The following IGFN1 variants were observed in gnomAD, a reference collection of about 807,000 sequenced individuals.
IGFN1 encodes immunoglobulin like and fibronectin type III domain containing 1.
Under a neutral mutation model 289.5 loss-of-function variants are expected in IGFN1, and 253 were observed. The ratio of observed to expected loss-of-function variants is 0.87; its 90% CI spans 0.79 to 0.97. The LOEUF (loss-of-function observed/expected upper bound fraction) is 0.97. Among genes scored for constraint, IGFN1 ranks in the 50% least tolerant of loss-of-function variants. IGFN1 has a pLI of 0.00. For missense variants in IGFN1, 4,470 were observed against 4,686.1 expected (o/e 0.95, Z 1.35); for synonymous variants, 1,706 against 1,788.5 (o/e 0.95, Z 1.16).
chr1:201,223,816 C>A (rs1433926550), intron 20 of IGFN1, among the ~76,000 whole-genome samples: 2 of 152,000 alleles, frequency 1.3e-5, no homozygotes, highest in African/African-American at 2.4e-5. Flanking sequence ...ATGACAGCAC[C>A]CAATATGTTT....
chr1:201,227,136 A>G lies in IGFN1; in HGVS notation c.11041A>G (p.Ser3681Gly), dbSNP rs1011427864. 3.7e-6 allele frequency: 6 copies of G among 1,613,314 alleles called. No homozygotes were observed. The highest frequency in any genetic ancestry group is 3.3e-4 in the Middle Eastern group (2 of 6,060). ...LTIPSVSPKD[S>G]GEYKAVAENT... is the part of the protein sequence containing the mutation. ...CATCCCCAGCGTATCCCCGAAGGAC[A>G]GCGGGGAGTACAAGGCTGTGGCTGA... Residue 3681 changes from serine to glycine, a missense_variant, in exon 23 of 24, where the codon AGC (serine) becomes GGC (glycine). This residue lies in a region of IGFN1 where 2,218 missense variants were observed against 2,114.1 expected (regional missense o/e 1.05). Transcript: ENST00000335211.
At chr1:201,227,315 C>A in intron 23 of IGFN1, 107 bp downstream of exon 23, 1 of 788,586 alleles carries the variant, frequency 1.3e-6, no homozygotes. Flanking sequence ...AGCCGGGAGT[C>A]AGGAGACCAG....
rs1213305364 is a variant in IGFN1, at chr1:201,216,690, G to C, written c.9532G>C (p.Ala3178Pro). The change falls in exon 16 of 24, where the codon GCT becomes CCT. Residue 3178 changes from alanine (A) to proline (P), a missense_variant. Coordinates refer to ENST00000335211, the MANE Select transcript of IGFN1 (RefSeq NM_001164586.2). ...CAGGAAGTATACCTTCCGAGTGCGGGCTGTGACCTCAGAGGGGGCTGGCGA... is the reference window on the plus strand; with the variant it reads ...CAGGAAGTATACCTTCCGAGTGCGGCCTGTGACCTCAGAGGGGGCTGGCGA... ...PGRKYTFRVRAVTSEGAGEAL... is the reference protein window; with the variant it reads ...PGRKYTFRVRPVTSEGAGEAL... 1.2e-6 allele frequency: 2 copies of C among 1,613,956 alleles called. No homozygotes were observed. Among genetic ancestry groups the C allele is most frequent in the Admixed American group, 1.7e-5 (1 of 60,014 alleles).
intron 19 of IGFN1, 95 bp downstream of exon 19, chr1:201,221,841 C>A: frequency 9.3e-7 from 1 of 1,072,386 alleles, no homozygotes; most frequent in Non-Finnish European, 1.3e-6. Flanking sequence ...AAGCCAGGAT[C>A]CCCACCCTCA....
Position 201,215,136 on chromosome 1 carries a change from G to C in IGFN1, c.8977G>C (p.Ala2993Pro), listed in dbSNP as rs769566053. The C allele has an allele frequency of 6.8e-6, 11 of 1,613,498 alleles. No individual in the cohort carries two copies. The highest frequency in any genetic ancestry group is 9.3e-6 in the Non-Finnish European group (11 of 1,179,966). ...TFVAGDQQSE[A>P]TLTVQDSPTI... ...TGTAGCTGGTGACCAGCAGAGCGAG[G>C]CCACCCTGACCGTCCAGGGTAAGGC... is the stretch of plus-strand genomic sequence containing the variant. The change falls in exon 14 of 24, where the codon GCC becomes CCC. Residue 2993 changes from alanine (A) to proline (P), a missense_variant. Physicochemically the swap from Ala to Pro is conservative, Grantham distance 27. Coordinates refer to ENST00000335211, the MANE Select transcript of IGFN1 (RefSeq NM_001164586.2).
At chr1:201,221,891 T>TC in intron 19 of IGFN1, 145 bp downstream of exon 19, 2 of 647,254 alleles carry the variant, frequency 3.1e-6, no homozygotes, top group Non-Finnish European at 5.3e-6. Flanking sequence ...TACTAGGTGC[T>TC]AGGTACTGGG....
chr1:201,209,069 CA>C lies in IGFN1; in HGVS notation c.4177del (p.Arg1393GlyfsTer4). ...TTCCTGAGGGAATGGGTGCAGGTTACAGGGCTGGTTTAAGGGGTCCTGGGGA... is the reference window on the plus strand; with the variant it reads ...TTCCTGAGGGAATGGGTGCAGGTTACGGGCTGGTTTAAGGGGTCCTGGGGA... The part of the protein sequence containing the change: ...GVPEGMGAGY[R>X]AGLRGPGEMG... On this transcript the variant is annotated frameshift_variant, in exon 12 of 24. Transcript: ENST00000335211. LOFTEE classifies it high-confidence loss of function. The C allele has an allele frequency of 6.5e-7, 1 of 1,535,408 alleles. No individual in the cohort carries two copies. The highest frequency in any genetic ancestry group is 1.4e-5 in the African/African-American group (1 of 72,538).
chr1:201,193,301 G>A lies in IGFN1; in HGVS notation c.7+1G>A. ...CAAAGAGGAGGCAGAACTATGGCAG[G>A]TAAGAGAAGAACTAATCTCCCCTCC... On this transcript the variant is annotated splice_donor_variant, in intron 2 of 23. Transcript: ENST00000335211. LOFTEE classifies it high-confidence loss of function. 6.5e-7 allele frequency: 1 copy of A among 1,541,644 alleles called. No individual in the cohort carries two copies. Among genetic ancestry groups the A allele is most frequent in the Non-Finnish European group, 8.8e-7 (1 of 1,137,618 alleles).
At chr1:201,191,959 C>T (rs1163764625) in intron 1 of IGFN1, among the ~76,000 whole-genome samples, 1 of 143,354 alleles carries the variant, frequency 7.0e-6, no homozygotes, top group African/African-American at 2.5e-5. Context: ...AGTGCACTTG[C>T]ATCTACCAGG....
rs752551820 is a variant in IGFN1, at chr1:201,205,274, G to A, written c.1109G>A (p.Arg370Lys). The A allele has an allele frequency of 6.4e-6, 10 of 1,550,772 alleles. No individual in the cohort carries two copies. Among genetic ancestry groups the A allele is most frequent in the Non-Finnish European group, 8.7e-6 (10 of 1,146,934 alleles). Residue 370 changes from arginine (R) to lysine (K), a missense_variant, in exon 11 of 24, where the codon AGG becomes AAG. Physicochemically the swap from Arg to Lys is conservative, Grantham distance 26 (BLOSUM62 2). This residue lies in a region of IGFN1 where 2,011 missense variants were observed against 1,953.4 expected (regional missense o/e 1.03). Coordinates refer to ENST00000335211, the MANE Select transcript of IGFN1 (RefSeq NM_001164586.2). Reference sequence around the variant, plus strand: ...GGGCTGACCCACCGGCTGGTGGTGAGGGGGGCACGTTTCTCAGACATGGGC... The same window carrying A: ...GGGCTGACCCACCGGCTGGTGGTGAAGGGGGCACGTTTCTCAGACATGGGC... ...PDGLTHRLVV[R>K]GARFSDMGPY...
At position 201,216,580 on chromosome 1, in the gene IGFN1, G is replaced by A. The variant is rs776266708; in HGVS notation, c.9422G>A (p.Arg3141Gln). ...RTVECYVVERRQAGRSTWLKV... is the reference protein window; with the variant it reads ...RTVECYVVERQQAGRSTWLKV... Reference sequence around the variant, plus strand: ...GTAGAGTGCTACGTGGTGGAGAGACGGCAGGCTGGCAGGAGCACTTGGCTG... The same window carrying A: ...GTAGAGTGCTACGTGGTGGAGAGACAGCAGGCTGGCAGGAGCACTTGGCTG... Residue 3141 changes from arginine (R) to glutamine (Q), a missense_variant, in exon 16 of 24, where the codon CGG becomes CAG. Coordinates refer to ENST00000335211, the MANE Select transcript of IGFN1 (RefSeq NM_001164586.2). 53 of 1,613,390 alleles carry A rather than the reference G, an allele frequency of 3.3e-5. No homozygotes were observed. Among genetic ancestry groups the A allele is most frequent in the South Asian group, 9.9e-5 (9 of 91,062 alleles).
At position 201,216,596 on chromosome 1, in the gene IGFN1, C is replaced by T; in HGVS notation, c.9438C>T (p.Ser3146=). 6.2e-7 allele frequency: 1 copy of T among 1,613,812 alleles called. No individual in the cohort carries two copies. Among genetic ancestry groups the T allele is most frequent in the South Asian group, 1.1e-5 (1 of 91,068 alleles). ...TGGAGAGACGGCAGGCTGGCAGGAG[C>T]ACTTGGCTGAAGGTGGGCGAGGCCC... ...YVVERRQAGR[S]TWLKVGEAPA... is the part of the protein sequence containing the mutation. The change falls in exon 16 of 24, where the codon AGC becomes AGT. Residue 3146 remains serine (S), a synonymous_variant. Transcript: ENST00000335211.
At chr1:201,228,245 G>C in intron 23 of IGFN1, 141 bp from the exon 24 acceptor site, 1 of 850,762 alleles carries the variant, frequency 1.2e-6, no homozygotes, top group Non-Finnish European at 2.0e-6. Context: ...GAGAGCACGT[G>C]GTGGCTCCAG....
rs1667526501 is a variant in IGFN1, at chr1:201,208,181, A to G, written c.3288A>G (p.Val1096=). ...AGRGGLKAPG[V]VETVGMGCVE... is the part of the protein sequence containing the mutation. ...GAGGTGGTCTCAAGGCCCCTGGAGT[A>G]GTGGAGACTGTTGGGATGGGATGTG... is the stretch of plus-strand genomic sequence containing the variant. The change falls in exon 12 of 24, where the codon GTA becomes GTG. Residue 1096 remains valine (V), a synonymous_variant. Transcript: ENST00000335211. 6.5e-7 allele frequency: 1 copy of G among 1,536,926 alleles called. No individual in the cohort carries two copies. The highest frequency in any genetic ancestry group is 1.4e-5 in the African/African-American group (1 of 73,090).
At chr1:201,199,404 T>C (rs1185029443) in intron 6 of IGFN1, 26 bp downstream of exon 6, 4 of 1,550,018 alleles carry the variant, frequency 2.6e-6, no homozygotes, top group East Asian at 2.4e-5. Flanking sequence ...AGAAACCTCC[T>C]TGGGGGCCTG....
chr1:201,204,007 C>G (rs1263325815), intron 10 of IGFN1, 101 bp downstream of exon 10: 1 of 1,099,746 alleles, frequency 9.1e-7, no homozygotes, highest in Non-Finnish European at 1.3e-6. Context: ...GTGATGTGGC[C>G]CCAGCTGCAA....
Position 201,212,993 on chromosome 1 carries a change from A to G in IGFN1, c.8100A>G (p.Gly2700=), listed in dbSNP as rs1219697514. ...WSLDSKGSSP[G]RGSSVDAEDS... ...TGGATAGCAAAGGTTCAAGTCCTGG[A>G]AGGGGCAGTTCTGTTGATGCAGAGG... The change falls in exon 12 of 24, where the codon GGA becomes GGG. Residue 2700 remains glycine (G), a synonymous_variant. Coordinates refer to ENST00000335211, the MANE Select transcript of IGFN1 (RefSeq NM_001164586.2). The G allele has an allele frequency of 2.6e-6, 4 of 1,551,428 alleles. No individual in the cohort carries two copies. Among genetic ancestry groups the G allele is most frequent in the Admixed American group, 2.0e-5 (1 of 50,978 alleles).
At chr1:201,214,877 C>A in intron 13 of IGFN1, 136 bp from the exon 14 acceptor site, 1 of 812,356 alleles carries the variant, frequency 1.2e-6, no homozygotes, top group Non-Finnish European at 2.0e-6. Flanking sequence ...GCACAGAGAG[C>A]ATTGGCACAC....
In IGFN1 at chr1:201,199,381, A is replaced by G; in HGVS notation, c.412+3A>G. 6.4e-7 allele frequency: 1 copy of G among 1,551,880 alleles called. No individual in the cohort carries two copies. The highest frequency in any genetic ancestry group is 1.2e-5 in the South Asian group (1 of 84,060). ...GAGGCACAGGGAACCGCAGGAAGGT[A>G]GGCAGATTTGTCAGAAACCTCCTTG... is the stretch of plus-strand genomic sequence containing the variant. On this transcript the variant is annotated splice_donor_region_variant and intron_variant, in intron 6 of 23. Transcript: ENST00000335211.
Sources: gnomAD v4.1 joint callset for allele counts (sites outside exome capture counted in the v4.1 genomes callset) on GRCh38, gnomAD v4.1.1 for gene constraint, gnomAD v4.1.1 regional missense constraint, MANE v1.5 for transcripts, NCBI Gene and HGNC (gene_info 2026-07-23, HGNC 2026-07-21) for gene names.